The following PRKAR1B variants were observed in gnomAD, a reference collection of about 807,000 sequenced individuals.
The protein encoded by PRKAR1B is protein kinase cAMP-dependent type I regulatory subunit beta.
A neutral mutation model predicts 46.5 loss-of-function variants in PRKAR1B; 22 were observed. The observed-to-expected ratio is 0.47, with a 90% CI of 0.34 to 0.68. The LOEUF is 0.68. Ranked by LOEUF, PRKAR1B falls within the 30% of genes least tolerant of loss-of-function variation. PRKAR1B has a pLI of 0.01. For synonymous variants in PRKAR1B, 259 were observed against 217.7 expected (o/e 1.19, Z -1.67); for missense variants, 445 against 535.6 (o/e 0.83, Z 1.67).
intron 10 of PRKAR1B, 90 bp downstream of exon 10, chr7:551,299 C>A (rs1197041853): frequency 7.8e-7 from 1 of 1,283,682 alleles, no homozygotes; most frequent in South Asian, 1.3e-5. Flanking sequence ...CAGGGAAGCC[C>A]CCCAGCAGCT....
intron 7 of PRKAR1B, among the ~76,000 whole-genome samples, chr7:595,108 CCTGGAGCCCT>C (rs1177894388): frequency 6.6e-6 from 1 of 152,182 alleles, no homozygotes; most frequent in Non-Finnish European, 1.5e-5. Flanking sequence ...GGGTCCTCGG[CCTGGAGCCCT>C]CCCCGCCCTC....
At chr7:692,335 G>A (rs1225366248) in intron 2 of PRKAR1B, among the ~76,000 whole-genome samples, 1 of 152,244 alleles carries the variant, frequency 6.6e-6, no homozygotes, top group Non-Finnish European at 1.5e-5. Flanking sequence ...AGGAGGTGGA[G>A]GTTGCAGTGA....
chr7:564,109 A>C, intron 9 of PRKAR1B, among the ~76,000 whole-genome samples: 1 of 151,582 alleles, frequency 6.6e-6, no homozygotes, highest in African/African-American at 2.4e-5. Flanking sequence ...CAGTCTCCCC[A>C]CAGAGACCAT....
intron 4 of PRKAR1B, among the ~76,000 whole-genome samples, chr7:635,364 T>C (rs1435928068): frequency 1.3e-5 from 2 of 152,220 alleles, no homozygotes; most frequent in East Asian, 3.9e-4. Flanking sequence ...CCAGGCAGAC[T>C]GTGGCATCGC....
At chr7:590,247 A>G (rs150774045) in intron 7 of PRKAR1B, among the ~76,000 whole-genome samples, 1 of 152,360 alleles carries the variant, frequency 6.6e-6, no homozygotes, top group African/African-American at 2.4e-5. Flanking sequence ...ACTCTGCTCC[A>G]AAGTATGTGC....
Position 625,735 on chromosome 7 carries a change from G to A in PRKAR1B, c.441-18283C>T, listed in dbSNP as rs957035739. On this transcript the variant is annotated intron_variant, in intron 4 of 10. Coordinates refer to ENST00000537384, the MANE Select transcript of PRKAR1B (RefSeq NM_001164760.2). The stretch of plus-strand genomic sequence containing the variant: ...TGAAAAACTCTATGAGACCAGGCAC[G>A]GTGGCTCATGCCTGTAATCCCAGCA... Among the ~76,000 whole-genome samples, 19 of 152,130 alleles carry A rather than the reference G, an allele frequency of 1.2e-4. 1 individual carries two copies. The highest frequency in any genetic ancestry group is 4.1e-4 in the South Asian group (2 of 4,836).
Position 667,586 on chromosome 7 carries a change from C to T in PRKAR1B, c.440+9643G>A, listed in dbSNP as rs6951019. On this transcript the variant is annotated intron_variant, in intron 4 of 10. Transcript: ENST00000537384. This position sits in a 1 kb window ranked among gnomAD's most constrained non-coding sequence, Gnocchi z 4.3. ...GTTCACTACAGGACAGTATGGACCC[C>T]GCTCACTGGCAATGCCTAAATCACC... is the stretch of plus-strand genomic sequence containing the variant. Among the ~76,000 whole-genome samples, 6,620 of 152,286 alleles carry T rather than the reference C, an allele frequency of 0.043. 299 individuals carry two copies. Among genetic ancestry groups the T allele is most frequent in the African/African-American group, 0.12 (4,851 of 41,534 alleles).
rs762425374 is a variant in PRKAR1B at position 666,959 on chromosome 7, G to A, written c.440+10270C>T. On this transcript the variant is annotated intron_variant, in intron 4 of 10. Coordinates refer to ENST00000537384, the MANE Select transcript of PRKAR1B (RefSeq NM_001164760.2). This position sits in a 1 kb window ranked among gnomAD's most constrained non-coding sequence, Gnocchi z 4.9. ...TGACCACAACAGTGATGATGATGGCGGTGATGATGATGATGGTGATGATAA... is the reference window on the plus strand; with the variant it reads ...TGACCACAACAGTGATGATGATGGCAGTGATGATGATGATGGTGATGATAA... 4.6e-5 allele frequency among the ~76,000 whole-genome samples: 7 copies of A among 152,180 alleles called. No homozygotes were observed. Among genetic ancestry groups the A allele is most frequent in the South Asian group, 2.1e-4 (1 of 4,826 alleles).
Position 645,513 on chromosome 7 carries a change from G to A in PRKAR1B, c.440+31716C>T, listed in dbSNP as rs145412210. 5.6e-3 allele frequency among the ~76,000 whole-genome samples: 846 copies of A among 152,242 alleles called. 6 individuals carry two copies. Among genetic ancestry groups the A allele is most frequent in the Middle Eastern group, 0.02 (6 of 294 alleles). On this transcript the variant is annotated intron_variant, in intron 4 of 10. Transcript: ENST00000537384. The stretch of plus-strand genomic sequence containing the variant: ...TAAAAATAAAAATAATTAGCCGGGT[G>A]TGATGGCGAGCCCCTGTGGTCCCAG...
chr7:564,338 G>GGCCAGCCTCAACCTCCGCC (rs924203053), intron 9 of PRKAR1B, among the ~76,000 whole-genome samples: 2 of 152,136 alleles, frequency 1.3e-5, no homozygotes, highest in Admixed American at 6.5e-5. Context: ...GTGGCTCCGT[G>GGCCAGCCTCAACCTCCGCC]GCCAGCCTCA....
chr7:598,815 G>C (rs938586799), intron 6 of PRKAR1B, among the ~76,000 whole-genome samples: 1 of 152,228 alleles, frequency 6.6e-6, no homozygotes, highest in Non-Finnish European at 1.5e-5. Context: ...AAGGAGGTGA[G>C]TGAGCCTCTT....
At chr7:664,340 G>A (rs1193094424) in intron 4 of PRKAR1B, among the ~76,000 whole-genome samples, 4 of 152,206 alleles carry the variant, frequency 2.6e-5, no homozygotes, top group African/African-American at 9.6e-5. Flanking sequence ...CTGCACCAGG[G>A]CTTAGCCTCA....
chr7:664,309 GAC>G (rs1282472124), intron 4 of PRKAR1B, among the ~76,000 whole-genome samples: 1 of 152,170 alleles, frequency 6.6e-6, no homozygotes, highest in Non-Finnish European at 1.5e-5. Context: ...TGTGGTCCCC[GAC>G]ACAGCACAGT....
chr7:682,839 C>G (rs1562613335), intron 2 of PRKAR1B, among the ~76,000 whole-genome samples: 1 of 152,142 alleles, frequency 6.6e-6, no homozygotes, highest in African/African-American at 2.4e-5. Flanking sequence ...GCTCACATGA[C>G]CTGAGTGTTC....
intron 4 of PRKAR1B, among the ~76,000 whole-genome samples, chr7:631,786 CT>C (rs202137212): frequency 1.7e-4 from 25 of 149,922 alleles, no homozygotes; most frequent in Non-Finnish European, 3.0e-4. Flanking sequence ...ACCCCCATCT[CT>C]AAAAAAAAAA....
At chr7:627,237 G>A (rs541226581) in intron 4 of PRKAR1B, among the ~76,000 whole-genome samples, 6 of 152,148 alleles carry the variant, frequency 3.9e-5, no homozygotes, top group African/African-American at 1.2e-4. Context: ...CAACCATCCC[G>A]CCTCAGCCTC....
chr7:577,249 ACCT>A (rs1306842184), intron 9 of PRKAR1B, among the ~76,000 whole-genome samples: 1 of 152,036 alleles, frequency 6.6e-6, no homozygotes, highest in African/African-American at 2.4e-5. Context: ...CTCTTTGCTG[ACCT>A]CCTGTTTCTT....
chr7:634,707 T>C (rs1364798941), intron 4 of PRKAR1B, among the ~76,000 whole-genome samples: 6 of 151,964 alleles, frequency 3.9e-5, no homozygotes, highest in African/African-American at 1.2e-4. Flanking sequence ...TGGAGCGATC[T>C]TGGCTCACTG....
chr7:643,964 G>T (rs117936372), intron 4 of PRKAR1B, among the ~76,000 whole-genome samples: 3,518 of 152,208 alleles, frequency 0.023, 69 homozygotes, highest in Middle Eastern at 0.037. Flanking sequence ...CGCGGGGCAG[G>T]GACAAGCCAT....
Sources: gnomAD v4.1 joint callset for allele counts (sites outside exome capture counted in the v4.1 genomes callset) on GRCh38, gnomAD v4.1.1 for gene constraint, Gnocchi (gnomAD v3.1) non-coding constraint, MANE v1.5 for transcripts, NCBI Gene and HGNC (gene_info 2026-07-23, HGNC 2026-07-21) for gene names.